The following CCDC171 variants were observed in gnomAD, a reference collection of about 807,000 sequenced individuals.
CCDC171 encodes the protein coiled-coil domain-containing protein 171.
CCDC171 carries 177 observed loss-of-function variants against 168.2 expected under a neutral mutation model. The ratio of observed to expected loss-of-function variants is 1.05; its 90% CI spans 0.93 to 1.19. The LOEUF is 1.19. Ranked by LOEUF, CCDC171 falls within the 50% of genes most tolerant of loss-of-function variation. The pLI, the probability that CCDC171 is intolerant of heterozygous loss-of-function variation, is 0.00. For missense variants in CCDC171, 1,991 were observed against 1,539.0 expected, an observed-to-expected ratio of 1.29 and a Z score of -4.91; for synonymous variants, 687 against 540.8, an observed-to-expected ratio of 1.27 and a Z score of -3.75.
chr9:15,983,736 T>C (rs1335244059), intron 3 of CCDC171, among the ~76,000 whole-genome samples: 1 of 151,498 alleles, frequency 6.6e-6, no homozygotes, highest in Non-Finnish European at 1.5e-5. Context: ...TGTGATTGCC[T>C]GCAATGAGAA....
rs2059710719 is a variant in CCDC171 at position 15,820,170 on chromosome 9, C to G, written c.3268-26532C>G. 1.7e-5 allele frequency among the ~76,000 whole-genome samples: 2 copies of G among 117,438 alleles called. 1 individual carries two copies. Among genetic ancestry groups the G allele is most frequent in the Non-Finnish European group, 3.8e-5 (2 of 52,414 alleles). 77.0% of individuals were successfully genotyped at this position (117,438 alleles called of 152,430 possible). A position where few individuals can be genotyped will look rare whatever the true frequency, so the allele number is the denominator to read the frequency against. On this transcript the variant is annotated intron_variant, in intron 21 of 25. Transcript: ENST00000380701. ...GAACAAAGACACAACATACCAGAAT[C>G]TCTGGGACACATTCAAAGCAGTGTG...
At chr9:15,690,515 C>G (rs1347581390) in intron 10 of CCDC171, among the ~76,000 whole-genome samples, 3 of 151,700 alleles carry the variant, frequency 2.0e-5, no homozygotes, top group Admixed American at 6.6e-5. Context: ...ATTTACTAAA[C>G]AAATTTTAGA....
intron 24 of CCDC171, among the ~76,000 whole-genome samples, chr9:15,900,552 G>A (rs1401750962): frequency 1.3e-5 from 2 of 152,128 alleles, no homozygotes; most frequent in Non-Finnish European, 2.9e-5. Context: ...TGGACTCCTG[G>A]CCCATGGAAA....
intron 25 of CCDC171, among the ~76,000 whole-genome samples, chr9:15,944,923 C>T (rs1375752826): frequency 6.9e-6 from 1 of 145,938 alleles, no homozygotes; most frequent in Admixed American, 7.1e-5. Flanking sequence ...GGTACATGTG[C>T]ACAATATGCA....
Position 15,744,755 on chromosome 9 carries a change from C to G in CCDC171, c.2532C>G (p.Pro844=). 1 of 1,607,224 alleles carries G rather than the reference C, an allele frequency of 6.2e-7. No individual in the cohort carries two copies. Among genetic ancestry groups the G allele is most frequent in the Non-Finnish European group, 8.5e-7 (1 of 1,177,022 alleles). The stretch of plus-strand genomic sequence containing the variant: ...GCATGTTAGTGTGCACAGGAGAGCC[C>G]CAAGACAAGCATAAATTTCCAAGTA... ...GIGMLVCTGE[P]QDKHKFPKHQ... is the part of the protein sequence containing the mutation. The change falls in exon 17 of 26, where the codon CCC becomes CCG. Residue 844 remains proline, a synonymous_variant. Coordinates refer to ENST00000380701, the MANE Select transcript of CCDC171 (RefSeq NM_173550.4).
the CCDC171 span, among the ~76,000 whole-genome samples, chr9:16,071,492 A>G: frequency 1.1e-4 from 16 of 151,770 alleles, no homozygotes; most frequent in East Asian, 1.9e-4. Context: ...TTCTGTGAGA[A>G]TGGCCCCACT....
At chr9:15,630,949 A>C (rs2045631265) in intron 7 of CCDC171, among the ~76,000 whole-genome samples, 1 of 152,242 alleles carries the variant, frequency 6.6e-6, no homozygotes, top group African/African-American at 2.4e-5. Flanking sequence ...TGAAGACAGA[A>C]ATAAAGATGT....
chr9:15,637,317 A>C (rs2046274253), intron 7 of CCDC171, among the ~76,000 whole-genome samples: 2 of 151,838 alleles, frequency 1.3e-5, no homozygotes, highest in African/African-American at 4.8e-5. Context: ...CTAAACCTAA[A>C]CTTTAAGGTG....
Position 15,914,705 on chromosome 9 carries a change from C to G in CCDC171, c.3601-5565C>G, listed in dbSNP as rs571602829. 3.4e-5 allele frequency among the ~76,000 whole-genome samples: 5 copies of G among 149,006 alleles called. No individual in the cohort carries two copies. In the East Asian group the frequency reaches 8.0e-4, roughly 24 times the overall value. The stretch of plus-strand genomic sequence containing the variant: ...GTGACAATGGGGTATGAAAAAAAAA[C>G]TCCTGCAGATAGCTTGATGTCTGCT... On this transcript the variant is annotated intron_variant, in intron 24 of 25. Coordinates refer to ENST00000380701, the MANE Select transcript of CCDC171 (RefSeq NM_173550.4).
intron 9 of CCDC171, among the ~76,000 whole-genome samples, chr9:15,676,867 A>C (rs188309060): frequency 7.5e-4 from 114 of 152,260 alleles, no homozygotes; most frequent in African/African-American, 2.6e-3. Flanking sequence ...CTGGAAACTT[A>C]ACACAGAGTG....
chr9:15,752,658 C>T (rs902307768), intron 18 of CCDC171, among the ~76,000 whole-genome samples: 11 of 152,080 alleles, frequency 7.2e-5, no homozygotes, highest in Non-Finnish European at 1.0e-4. Context: ...AACCAAACAG[C>T]GCATGTTCTC....
intron 7 of CCDC171, among the ~76,000 whole-genome samples, chr9:15,631,922 C>T (rs372149063): frequency 2.0e-5 from 3 of 152,260 alleles, no homozygotes; most frequent in African/African-American, 2.4e-5. Context: ...ACAAAAACCA[C>T]ATGATTATCT....
chr9:16,069,423 G>A, the CCDC171 span, among the ~76,000 whole-genome samples: 11 of 152,346 alleles, frequency 7.2e-5, no homozygotes, highest in East Asian at 1.4e-3. Context: ...GTGCATGTGC[G>A]TGTGCACGTG....
At position 16,059,862 on chromosome 9, in the gene CCDC171, G is replaced by A. The variant is rs192423030; in HGVS notation, n.90-784G>A. On this transcript the variant is annotated intron_variant and non_coding_transcript_variant, in intron 1 of 1. Coordinates refer to the CCDC171 transcript ENST00000478913. ...GACTTATTAAAAAACTTGCAAGTGA[G>A]TGAGTCAGTATTACCCAAGCTCACC... Among the ~76,000 whole-genome samples, 61 of 151,960 alleles carry A rather than the reference G, an allele frequency of 4.0e-4. No homozygotes were observed. In the East Asian group the frequency reaches 0.012, roughly 29 times the overall value.
At chr9:16,059,813 CT>C (rs917454511) in intron 1 of CCDC171, among the ~76,000 whole-genome samples, 54 of 148,566 alleles carry the variant, frequency 3.6e-4, no homozygotes, top group Non-Finnish European at 6.0e-4. Context: ...CGCGCCTGGC[CT>C]TTTTTTTTTC....
At chr9:15,970,757 A>G (rs1265822271) in intron 25 of CCDC171, among the ~76,000 whole-genome samples, 1 of 152,148 alleles carries the variant, frequency 6.6e-6, no homozygotes, top group Non-Finnish European at 1.5e-5. Context: ...TCATTCCCTT[A>G]TTTTGACATG....
the CCDC171 span, among the ~76,000 whole-genome samples, chr9:16,096,497 A>G: frequency 6.6e-6 from 1 of 152,160 alleles, no homozygotes; most frequent in Non-Finnish European, 1.5e-5. Context: ...TTTGGTTAGT[A>G]TGTGCCTCTA....
At chr9:15,799,165 T>TATATATATATATAC (rs1323969229) in intron 21 of CCDC171, among the ~76,000 whole-genome samples, 54 of 141,196 alleles carry the variant, frequency 3.8e-4, no homozygotes, top group African/African-American at 1.2e-3. Flanking sequence ...TATATATATA[T>TATATATATATATAC]ACCATTTTGA....
At chr9:15,793,558 T>TTC (rs1554817663) in intron 21 of CCDC171, among the ~76,000 whole-genome samples, 5 of 44,478 alleles carry the variant, frequency 1.1e-4, no homozygotes, top group Non-Finnish European at 2.9e-4. Context: ...AAGGTTTTTT[T>TTC]TTTTTTTTTT....
Sources: allele counts gnomAD v4.1 joint callset (sites outside exome capture counted in the v4.1 genomes callset), GRCh38; gene constraint gnomAD v4.1.1; transcripts MANE v1.5; gene names NCBI Gene and HGNC (gene_info 2026-07-23, HGNC 2026-07-21).